The following GOLT1B variants were observed in gnomAD, a reference collection of about 807,000 sequenced individuals.
The protein encoded by GOLT1B is vesicle transport protein GOT1B.
GOLT1B carries 3 observed loss-of-function variants against 15.4 expected under a neutral mutation model. The observed-to-expected ratio is 0.19, with a 90% CI of 0.09 to 0.50. The LOEUF is 0.50. GOLT1B is among the 20% of genes least tolerant of loss of function. The pLI is 0.97. For missense variants in GOLT1B, 145 were observed against 160.4 expected, an observed-to-expected ratio of 0.90 and a Z score of 0.52; for synonymous variants, 65 against 56.2, an observed-to-expected ratio of 1.16 and a Z score of -0.70.
chr12:21,504,712 C>T, intron 1 of GOLT1B: 2 of 423,560 alleles, frequency 4.7e-6, no homozygotes, highest in South Asian at 1.7e-5. Flanking sequence ...CTACCTTTTA[C>T]CTCACAATTT....
Position 21,508,549 on chromosome 12 carries a change from T to G in GOLT1B, c.284T>G (p.Phe95Cys). The G allele has an allele frequency of 6.4e-7, 1 of 1,554,636 alleles. No homozygotes were observed. The highest frequency in any genetic ancestry group is 8.9e-7 in the Non-Finnish European group (1 of 1,128,318). Reference protein sequence around the residue: ...IGMIFEIYGFFLLFRGFFPVV... With the variant: ...IGMIFEIYGFCLLFRGFFPVV... ...ATGATCTTCGAAATTTATGGATTTT[T>G]TCTCTTGTTCAGGTAAGGCATATTA... is the stretch of plus-strand genomic sequence containing the variant. Residue 95 changes from phenylalanine to cysteine, a missense_variant, in exon 3 of 5, where the codon TTT becomes TGT. Physicochemically the swap from Phe to Cys is radical, Grantham distance 205. Transcript: ENST00000229314.
At chr12:21,512,249 A>G (rs1333177684) in intron 3 of GOLT1B, 46 bp from the exon 4 acceptor site, 2 of 942,482 alleles carry the variant, frequency 2.1e-6, no homozygotes. Context: ...TATTTTGAAA[A>G]TAGAAAATGT....
At position 21,505,012 on chromosome 12, in the gene GOLT1B, C is replaced by A. The variant is rs536548051; in HGVS notation, c.26-1873C>A. On this transcript the variant is annotated intron_variant, in intron 1 of 4. Transcript: ENST00000229314. Reference sequence around the variant, plus strand: ...GCACATGAGCTTTGGATTCAAAAGACCTTGGTTCGAATGCTTATCTAGAAG... The same window carrying A: ...GCACATGAGCTTTGGATTCAAAAGAACTTGGTTCGAATGCTTATCTAGAAG... Among the ~76,000 whole-genome samples, 11 of 152,214 alleles carry A rather than the reference C, an allele frequency of 7.2e-5. No homozygotes were observed. In the South Asian group the frequency reaches 2.1e-3, roughly 29 times the overall value.
At chr12:21,511,906 T>G (rs902868164) in intron 3 of GOLT1B, among the ~76,000 whole-genome samples, 1 of 152,246 alleles carries the variant, frequency 6.6e-6, no homozygotes, top group Non-Finnish European at 1.5e-5. Context: ...GATCAGTATC[T>G]GGCAGGTAGT....
chr12:21,515,706 A>G lies in GOLT1B; in HGVS notation c.416A>G (p.Ter139=). 1.6e-6 allele frequency: 2 copies of G among 1,284,244 alleles called. No individual in the cohort carries two copies. The highest frequency in any genetic ancestry group is 2.5e-5 in the South Asian group (2 of 79,176). 79.6% of individuals were successfully genotyped at this position (1,284,244 alleles called of 1,614,324 possible). Reference sequence around the variant, plus strand: ...GTTGGAGAAAGCAACAATATGGTATAACAACAAGTGAATTTGAAGACTCAT... The same window carrying G: ...GTTGGAGAAAGCAACAATATGGTATGACAACAAGTGAATTTGAAGACTCAT... ...DKVGESNNMV[*] The change falls in exon 5 of 5, where the codon TAA becomes TGA. Residue 139 remains the stop codon, a stop_retained_variant. Coordinates refer to ENST00000229314, the MANE Select transcript of GOLT1B (RefSeq NM_016072.5).
At chr12:21,503,712 T>G (rs754974881) in intron 1 of GOLT1B, among the ~76,000 whole-genome samples, 1 of 152,216 alleles carries the variant, frequency 6.6e-6, no homozygotes, top group Non-Finnish European at 1.5e-5. Context: ...AAATTGTGTT[T>G]GTGTGTGAGT....
At chr12:21,515,470 A>C (rs1943749242) in intron 4 of GOLT1B, among the ~76,000 whole-genome samples, 199 bp from the exon 5 acceptor site, 1 of 152,130 alleles carries the variant, frequency 6.6e-6, no homozygotes, top group Non-Finnish European at 1.5e-5. Context: ...AACAACTTTT[A>C]GAAAAAAAAA....
Position 21,508,381 on chromosome 12 carries a change from A to G in GOLT1B, c.118-2A>G. On this transcript the variant is annotated splice_acceptor_variant, in intron 2 of 4. Coordinates refer to ENST00000229314, the MANE Select transcript of GOLT1B (RefSeq NM_016072.5). LOFTEE classifies it high-confidence loss of function. ...CCGTGTTGTATTTTCTTTCTCTTTT[A>G]GGTTTTATTTGTAGCCGGCTTGGCT... 2 of 1,529,170 alleles carry G rather than the reference A, an allele frequency of 1.3e-6. No homozygotes were observed. Among genetic ancestry groups the G allele is most frequent in the African/African-American group, 1.4e-5 (1 of 71,424 alleles). 94.7% of individuals were successfully genotyped at this position (1,529,170 alleles called of 1,614,324 possible).
At chr12:21,504,268 G>A (rs920434570) in intron 1 of GOLT1B, among the ~76,000 whole-genome samples, 1 of 152,138 alleles carries the variant, frequency 6.6e-6, no homozygotes, top group African/African-American at 2.4e-5. Flanking sequence ...ATATGATTCC[G>A]ATGGGAAGAA....
chr12:21,502,049 G>C, intron 1 of GOLT1B, 101 bp downstream of exon 1: 1 of 863,176 alleles, frequency 1.2e-6, no homozygotes, highest in Admixed American at 1.9e-5. Context: ...CTCTGGGTTG[G>C]GGGCGGTGGC....
rs1943753642 is a variant in GOLT1B at position 21,516,078 on chromosome 12, AT to A, written c.*374del. On this transcript the variant is annotated 3_prime_UTR_variant, in exon 5 of 5. Coordinates refer to ENST00000229314, the MANE Select transcript of GOLT1B (RefSeq NM_016072.5). ...TGAAGGCTCAGGAGCATCCATAGGCATTTGCTTTTTAGAAATGTCCACTGCA... is the reference window on the plus strand; with the variant it reads ...TGAAGGCTCAGGAGCATCCATAGGCATTGCTTTTTAGAAATGTCCACTGCA... 5.9e-6 allele frequency: 1 copy of A among 169,672 alleles called. No homozygotes were observed. Among genetic ancestry groups the A allele is most frequent in the African/African-American group, 2.4e-5 (1 of 42,190 alleles). The allele number at this position is 169,672 out of a possible 1,614,324, so 10.5% of individuals were successfully genotyped here.
chr12:21,501,874 C>T lies in GOLT1B; in HGVS notation c.-50C>T. On this transcript the variant is annotated 5_prime_UTR_variant, in exon 1 of 5. Coordinates refer to ENST00000229314, the MANE Select transcript of GOLT1B (RefSeq NM_016072.5). ...CTTCATTTCTCCCGACTCAGCTTCC[C>T]ACCCTGGGCTTTCCGAGGTGCTGTC... 1 of 1,394,656 alleles carries T rather than the reference C, an allele frequency of 7.2e-7. No individual in the cohort carries two copies. Among genetic ancestry groups the T allele is most frequent in the Non-Finnish European group, 1.0e-6 (1 of 980,296 alleles). 86.4% of individuals were successfully genotyped at this position (1,394,656 alleles called of 1,614,324 possible). A position where few individuals can be genotyped will look rare whatever the true frequency, so the allele number is the denominator to read the frequency against.
rs548752443 is a variant in GOLT1B, at chr12:21,508,616, A to G, written c.296+55A>G. ...ATCAGTGTGTCAGATAGTTAGTACA[A>G]AAACTCAGATATTTGCATCAGTTGG... On this transcript the variant is annotated intron_variant, in intron 3 of 4. Coordinates refer to ENST00000229314, the MANE Select transcript of GOLT1B (RefSeq NM_016072.5). 162 of 849,080 alleles carry G rather than the reference A, an allele frequency of 1.9e-4. No homozygotes were observed. The African/African-American group carries it at 2.5e-3, about 13-fold the overall frequency. 52.6% of individuals were successfully genotyped at this position (849,080 alleles called of 1,614,324 possible). A position where few individuals can be genotyped will look rare whatever the true frequency, so the allele number is the denominator to read the frequency against.
At chr12:21,511,323 G>T (rs921280346) in intron 3 of GOLT1B, among the ~76,000 whole-genome samples, 1 of 152,052 alleles carries the variant, frequency 6.6e-6, no homozygotes, top group South Asian at 2.1e-4. Context: ...GGGGAGGGTC[G>T]CAGATCCCCC....
chr12:21,506,794 G>T, intron 1 of GOLT1B, 91 bp from the exon 2 acceptor site: 1 of 594,962 alleles, frequency 1.7e-6, no homozygotes, highest in South Asian at 2.5e-5. Flanking sequence ...TTATACCTAT[G>T]AAAGGAAAAC....
intron 1 of GOLT1B, among the ~76,000 whole-genome samples, chr12:21,505,754 G>C (rs922101080): frequency 6.6e-6 from 1 of 151,908 alleles, no homozygotes; most frequent in Admixed American, 6.6e-5. Context: ...TCAGTGATAG[G>C]GTATTTTAAA....
chr12:21,515,146 A>G lies in GOLT1B; in HGVS notation c.379-523A>G, dbSNP rs1261241455. The G allele has an allele frequency of 2.0e-5, 13 of 650,788 alleles. No homozygotes were observed. In the Admixed American group the frequency reaches 3.0e-4, roughly 15 times the overall value. The allele number at this position is 650,788 out of a possible 1,614,324, so 40.3% of individuals were successfully genotyped here. On this transcript the variant is annotated intron_variant, in intron 4 of 4. Transcript: ENST00000229314. Reference sequence around the variant, plus strand: ...ATCTTTAATGTCATTACCACTTTCAATCCAAAGTCCAGAATACACATTTAA... The same window carrying G: ...ATCTTTAATGTCATTACCACTTTCAGTCCAAAGTCCAGAATACACATTTAA...
rs766318516 is a variant in GOLT1B at position 21,506,928 on chromosome 12, C to G, written c.69C>G (p.Phe23Leu). ...GLTGFGVFFL[F>L]FGMILFFDKA... ...CAGGATTTGGAGTGTTTTTCCTGTTCTTTGGAATGATTCTCTTTTTTGACA... is the reference window on the plus strand; with the variant it reads ...CAGGATTTGGAGTGTTTTTCCTGTTGTTTGGAATGATTCTCTTTTTTGACA... The change falls in exon 2 of 5, where the codon TTC (phenylalanine) becomes TTG (leucine). Residue 23 changes from phenylalanine (F) to leucine (L), a missense_variant. Physicochemically the swap from Phe to Leu is conservative, Grantham distance 22. Transcript: ENST00000229314. 25 of 1,518,716 alleles carry G rather than the reference C, an allele frequency of 1.6e-5. No individual in the cohort carries two copies. The South Asian group carries it at 2.6e-4, about 16-fold the overall frequency. 94.1% of individuals were successfully genotyped at this position (1,518,716 alleles called of 1,614,324 possible).
Position 21,508,553 on chromosome 12 carries a change from C to T in GOLT1B, c.288C>T (p.Leu96=). The change falls in exon 3 of 5, where the codon CTC becomes CTT. Residue 96 remains leucine (L), a synonymous_variant. Coordinates refer to ENST00000229314, the MANE Select transcript of GOLT1B (RefSeq NM_016072.5). ...TCTTCGAAATTTATGGATTTTTTCTCTTGTTCAGGTAAGGCATATTATTGT... is the reference window on the plus strand; with the variant it reads ...TCTTCGAAATTTATGGATTTTTTCTTTTGTTCAGGTAAGGCATATTATTGT... ...GMIFEIYGFF[L]LFRGFFPVVV... is the part of the protein sequence containing the mutation. 2 of 1,533,754 alleles carry T rather than the reference C, an allele frequency of 1.3e-6. No individual in the cohort carries two copies. The highest frequency in any genetic ancestry group is 1.8e-6 in the Non-Finnish European group (2 of 1,109,906).
Sources: gnomAD v4.1 joint callset for allele counts (sites outside exome capture counted in the v4.1 genomes callset) on GRCh38, gnomAD v4.1.1 for gene constraint, MANE v1.5 for transcripts, NCBI Gene and HGNC (gene_info 2026-07-23, HGNC 2026-07-21) for gene names.